CHODL: variants seen among roughly 807,000 people sequenced by gnomAD.
The protein encoded by CHODL is transmembrane protein MT75.
Under a neutral mutation model 34.5 loss-of-function variants are expected in CHODL, and 29 were observed. The ratio of observed to expected loss-of-function variants is 0.84; its 90% CI spans 0.63 to 1.15. The LOEUF (loss-of-function observed/expected upper bound fraction) is 1.15. Ranked by LOEUF, CHODL falls within the 50% of genes most tolerant of loss-of-function variation. CHODL has a pLI of 0.00. For missense variants in CHODL, 332 were observed against 332.5 expected (o/e 1.00, Z 0.01); for synonymous variants, 125 against 116.1 (o/e 1.08, Z -0.49).
intron 2 of CHODL, among the ~76,000 whole-genome samples, chr21:18,042,493 T>A (rs921296029): frequency 6.6e-6 from 1 of 152,046 alleles, no homozygotes; most frequent in Non-Finnish European, 1.5e-5. Context: ...ATTTTGTAGA[T>A]AAGGAACTTA....
chr21:18,249,065 A>G (rs2074199919), intron 1 of CHODL, among the ~76,000 whole-genome samples: 1 of 122,460 alleles, frequency 8.2e-6, no homozygotes, highest in Admixed American at 9.9e-5. Flanking sequence ...TATATAATTT[A>G]CTATATATAA....
chr21:17,985,131 G>A (rs1337903233), intron 1 of CHODL, among the ~76,000 whole-genome samples: 2 of 152,032 alleles, frequency 1.3e-5, no homozygotes, highest in East Asian at 3.9e-4. Context: ...AGATTATTTT[G>A]GAGAAAACGG....
rs1314694953 is a variant in CHODL at position 18,151,196 on chromosome 21, C to A, written c.-44-105313C>A. 2.0e-5 allele frequency among the ~76,000 whole-genome samples: 3 copies of A among 151,998 alleles called. No homozygotes were observed. The East Asian group carries it at 5.8e-4, about 29-fold the overall frequency. On this transcript the variant is annotated intron_variant, in intron 2 of 6. Transcript: ENST00000400127. ...TCCTCATATCCAGGAGGAAGACATGCTGCACAGAGAGGCCAAGAAGAATCT... is the reference window on the plus strand; with the variant it reads ...TCCTCATATCCAGGAGGAAGACATGATGCACAGAGAGGCCAAGAAGAATCT...
At chr21:18,163,666 T>C (rs550290501) in intron 2 of CHODL, among the ~76,000 whole-genome samples, 1 of 152,316 alleles carries the variant, frequency 6.6e-6, no homozygotes, top group East Asian at 1.9e-4. Context: ...TGCATTATAG[T>C]ACATTTGCTA....
chr21:18,002,117 A>T (rs1402371914), intron 1 of CHODL, among the ~76,000 whole-genome samples: 1 of 152,192 alleles, frequency 6.6e-6, no homozygotes, highest in Non-Finnish European at 1.5e-5. Flanking sequence ...AAAACTTTAA[A>T]AACTTCCTTT....
Position 18,266,229 on chromosome 21 carries a change from A to T in CHODL, c.*191A>T. On this transcript the variant is annotated 3_prime_UTR_variant, in exon 6 of 6. Coordinates refer to ENST00000299295, the MANE Select transcript of CHODL (RefSeq NM_024944.3). ...ATTTAAAGAATATGCTGTGCTAATA[A>T]TGGAGTGAGACATGCTTATTTTGCT... is the stretch of plus-strand genomic sequence containing the variant. 6.6e-7 allele frequency: 1 copy of T among 1,505,076 alleles called. No individual in the cohort carries two copies. The highest frequency in any genetic ancestry group is 8.9e-7 in the Non-Finnish European group (1 of 1,125,868). The allele number at this position is 1,505,076 out of a possible 1,614,324, so 93.2% of individuals were successfully genotyped here.
intron 2 of CHODL, among the ~76,000 whole-genome samples, chr21:18,217,858 C>A (rs1305034923): frequency 6.6e-6 from 1 of 152,006 alleles, no homozygotes; most frequent in Non-Finnish European, 1.5e-5. Flanking sequence ...GGCTACAGAC[C>A]CCATATAAGT....
intron 2 of CHODL, among the ~76,000 whole-genome samples, chr21:18,179,129 G>C (rs1365580485): frequency 1.3e-5 from 2 of 152,050 alleles, no homozygotes; most frequent in Non-Finnish European, 2.9e-5. Flanking sequence ...CAAGAAACTT[G>C]AGGCCTCAAG....
At chr21:18,098,690 G>T (rs1019890753) in intron 2 of CHODL, among the ~76,000 whole-genome samples, 2 of 152,048 alleles carry the variant, frequency 1.3e-5, no homozygotes, top group Non-Finnish European at 2.9e-5. Flanking sequence ...ACTAAAACTA[G>T]AAATAACATA....
rs147107517 is a variant in CHODL, at chr21:17,955,785, C to G, written c.-145+38385C>G. On this transcript the variant is annotated intron_variant, in intron 1 of 6. Transcript: ENST00000400127. ...AAACCTGAAGTGCTGTGAAGCAAGT[C>G]AGGGGATTTGGGTTCCAGGGCTTGC... Among the ~76,000 whole-genome samples the G allele has an allele frequency of 8.0e-3, 1,098 of 136,690 alleles. 179 individuals carry two copies. In the South Asian group the frequency reaches 0.081, roughly 10 times the overall value. 89.7% of individuals were successfully genotyped at this position (136,690 alleles called of 152,430 possible).
chr21:18,198,980 T>C (rs1227240058), intron 2 of CHODL, among the ~76,000 whole-genome samples: 1 of 152,164 alleles, frequency 6.6e-6, no homozygotes, highest in Non-Finnish European at 1.5e-5. Flanking sequence ...TCAGTCCCTG[T>C]CTACTACCAT....
At chr21:17,991,745 C>G (rs2063799381) in intron 1 of CHODL, among the ~76,000 whole-genome samples, 3 of 147,650 alleles carry the variant, frequency 2.0e-5, no homozygotes, top group South Asian at 4.4e-4. Flanking sequence ...GTCCAATAAA[C>G]AGTTTGTGAA....
At chr21:18,179,806 G>T (rs144172789) in intron 2 of CHODL, among the ~76,000 whole-genome samples, 141 of 152,076 alleles carry the variant, frequency 9.3e-4, no homozygotes, top group African/African-American at 3.1e-3. Flanking sequence ...TTTTGTCAAC[G>T]TACCTGTCTT....
At chr21:18,017,565 T>C (rs1600899661) in intron 1 of CHODL, among the ~76,000 whole-genome samples, 1 of 152,184 alleles carries the variant, frequency 6.6e-6, no homozygotes. Flanking sequence ...GCATGCAGAT[T>C]GCAAGAGTGA....
At chr21:17,960,757 C>T (rs184576987) in intron 1 of CHODL, among the ~76,000 whole-genome samples, 5 of 152,226 alleles carry the variant, frequency 3.3e-5, no homozygotes, top group East Asian at 1.9e-4. Context: ...GATGGCTCCC[C>T]GGTCATTCTC....
intron 2 of CHODL, among the ~76,000 whole-genome samples, chr21:18,090,291 A>G (rs1396466096): frequency 1.3e-5 from 2 of 152,198 alleles, no homozygotes; most frequent in African/African-American, 4.8e-5. Flanking sequence ...AGAGTGGATA[A>G]TATGTCTTTT....
chr21:18,166,675 T>A (rs1273701026), intron 2 of CHODL, among the ~76,000 whole-genome samples: 1 of 152,012 alleles, frequency 6.6e-6, no homozygotes, highest in African/African-American at 2.4e-5. Context: ...TTATGTTAAA[T>A]TATATTAATA....
At chr21:18,112,331 A>G (rs1043153826) in intron 2 of CHODL, among the ~76,000 whole-genome samples, 8 of 152,306 alleles carry the variant, frequency 5.3e-5, no homozygotes, top group African/African-American at 1.7e-4. Context: ...TAAAATATCT[A>G]TACTACTCAA....
Position 18,102,318 on chromosome 21 carries a change from G to A in CHODL, c.-45+74347G>A, listed in dbSNP as rs145751339. ...TGTCCTTTAACCTGAATACTTTCCA[G>A]ATCTGCTGTTCCCAGTAAGTTACTA... On this transcript the variant is annotated intron_variant, in intron 2 of 6. Coordinates refer to the CHODL transcript ENST00000400127. Among the ~76,000 whole-genome samples, 179 of 152,254 alleles carry A rather than the reference G, an allele frequency of 1.2e-3. 2 individuals carry two copies. The Middle Eastern group carries it at 0.024, about 20-fold the overall frequency.
Sources: gnomAD v4.1 joint callset for allele counts (sites outside exome capture counted in the v4.1 genomes callset) on GRCh38, gnomAD v4.1.1 for gene constraint, MANE v1.5 for transcripts, NCBI Gene and HGNC (gene_info 2026-07-23, HGNC 2026-07-21) for gene names.